Variants in BBOX1 observed in about 807,000 individuals in gnomAD.
BBOX1 encodes gamma-butyrobetaine dioxygenase.
A neutral mutation model predicts 41.6 loss-of-function variants in BBOX1; 35 were observed. The ratio of observed to expected loss-of-function variants is 0.84; its 90% CI spans 0.64 to 1.11. The LOEUF (loss-of-function observed/expected upper bound fraction) is 1.11, where lower values mean the gene tolerates loss of function less well. BBOX1 is among the 50% of genes most tolerant of loss of function. The pLI, the probability that BBOX1 is intolerant of heterozygous loss-of-function variation, is 0.00. For synonymous variants in BBOX1, 163 were observed against 154.7 expected, an observed-to-expected ratio of 1.05 and a Z score of -0.40; for missense variants, 458 against 460.6, an observed-to-expected ratio of 0.99 and a Z score of 0.05.
At chr11:27,101,438 G>A (rs1203883563) in intron 5 of BBOX1, among the ~76,000 whole-genome samples, 2 of 152,038 alleles carry the variant, frequency 1.3e-5, no homozygotes, top group Non-Finnish European at 2.9e-5. Context: ...AAATTTGACT[G>A]CCTCCAACTC....
intron 3 of BBOX1, 79 bp from the exon 4 acceptor site, chr11:27,057,122 A>G (rs1857009598): frequency 2.4e-6 from 2 of 817,850 alleles, no homozygotes; most frequent in Non-Finnish European, 3.7e-6. Context: ...GATTATCTTA[A>G]ACAGCATTCA....
intron 2 of BBOX1, among the ~76,000 whole-genome samples, chr11:27,053,429 G>T (rs1208549159): frequency 6.6e-6 from 1 of 152,170 alleles, no homozygotes; most frequent in African/African-American, 2.4e-5. Flanking sequence ...ATTCTTATAG[G>T]GTTTTAAAAA....
intron 4 of BBOX1, among the ~76,000 whole-genome samples, chr11:27,090,921 GA>G (rs986122186): frequency 3.3e-5 from 5 of 151,898 alleles, no homozygotes; most frequent in African/African-American, 1.2e-4. Flanking sequence ...TCTGCAAGAA[GA>G]AAAACATGGC....
intron 7 of BBOX1, among the ~76,000 whole-genome samples, chr11:27,122,461 A>C (rs1020904661): frequency 6.6e-6 from 1 of 152,214 alleles, no homozygotes; most frequent in Admixed American, 6.5e-5. Flanking sequence ...TAGAAAATGC[A>C]GAATACATTT....
chr11:27,111,142 T>C (rs758304053), intron 5 of BBOX1, among the ~76,000 whole-genome samples: 2 of 151,696 alleles, frequency 1.3e-5, no homozygotes, highest in Non-Finnish European at 2.9e-5. Flanking sequence ...TTGTGGTACA[T>C]AGACACCATG....
chr11:27,114,763 A>G (rs1338136400), intron 5 of BBOX1, among the ~76,000 whole-genome samples: 4 of 151,974 alleles, frequency 2.6e-5, no homozygotes, highest in South Asian at 2.1e-4. Flanking sequence ...TGAACAAATT[A>G]TCTAAATATA....
chr11:27,119,510 C>G (rs1859388399), intron 6 of BBOX1, 139 bp from the exon 7 acceptor site: 3 of 490,902 alleles, frequency 6.1e-6, no homozygotes, highest in Non-Finnish European at 5.9e-6. Flanking sequence ...TCATTCATAG[C>G]TTTTTGAATC....
At chr11:27,046,125 A>G (rs1376946047) in intron 2 of BBOX1, 1 of 152,196 alleles carries the variant, frequency 6.6e-6, no homozygotes, top group Non-Finnish European at 1.5e-5. Flanking sequence ...CCTGTGACCC[A>G]ACAATAGCAC....
At chr11:27,116,587 G>A (rs1329122283) in intron 6 of BBOX1, among the ~76,000 whole-genome samples, 2 of 151,836 alleles carry the variant, frequency 1.3e-5, no homozygotes, top group Non-Finnish European at 2.9e-5. Flanking sequence ...CCTGTCTTCA[G>A]TCATATACCT....
intron 4 of BBOX1, among the ~76,000 whole-genome samples, chr11:27,074,266 A>G (rs974159390): frequency 1.3e-5 from 2 of 151,990 alleles, no homozygotes; most frequent in Non-Finnish European, 2.9e-5. Flanking sequence ...AGTTCTTTAT[A>G]GCAGTGTGAG....
chr11:27,075,803 C>A (rs1187319228), intron 4 of BBOX1, among the ~76,000 whole-genome samples: 1 of 152,190 alleles, frequency 6.6e-6, no homozygotes, highest in Non-Finnish European at 1.5e-5. Context: ...GAAAGGCTGC[C>A]TATAGGTGCA....
intron 6 of BBOX1, among the ~76,000 whole-genome samples, chr11:27,119,199 C>T (rs1275755080): frequency 6.6e-6 from 1 of 152,004 alleles, no homozygotes; most frequent in Non-Finnish European, 1.5e-5. Flanking sequence ...TTATTTCTGT[C>T]ACCTGATTTG....
At chr11:27,122,622 A>C (rs573382028) in intron 7 of BBOX1, among the ~76,000 whole-genome samples, 2 of 152,294 alleles carry the variant, frequency 1.3e-5, no homozygotes, top group Admixed American at 6.5e-5. Flanking sequence ...TTTCCTGCAG[A>C]TCCTCATAAA....
chr11:27,064,379 C>T (rs1354054422), intron 4 of BBOX1, among the ~76,000 whole-genome samples: 2 of 152,074 alleles, frequency 1.3e-5, no homozygotes, highest in East Asian at 1.9e-4. Context: ...CCTAAAGTCA[C>T]CCAAACTCAT....
At chr11:27,054,974 C>T (rs190164099) in intron 2 of BBOX1, among the ~76,000 whole-genome samples, 71 of 152,054 alleles carry the variant, frequency 4.7e-4, no homozygotes, top group African/African-American at 1.6e-3. Context: ...TTTTCAAAAG[C>T]CATGTCCAAG....
intron 5 of BBOX1, among the ~76,000 whole-genome samples, chr11:27,108,262 T>C (rs1358215485): frequency 1.3e-5 from 2 of 151,982 alleles, no homozygotes; most frequent in Admixed American, 6.6e-5. Flanking sequence ...TCTCAACCAG[T>C]TTTTGGCTAG....
intron 4 of BBOX1, among the ~76,000 whole-genome samples, chr11:27,082,627 G>A (rs548131122): frequency 6.6e-6 from 1 of 152,208 alleles, no homozygotes; most frequent in African/African-American, 2.4e-5. Flanking sequence ...TAAGCTCCTT[G>A]TGCCTTTCTC....
At chr11:27,078,889 C>T (rs1857729789) in intron 4 of BBOX1, among the ~76,000 whole-genome samples, 1 of 152,098 alleles carries the variant, frequency 6.6e-6, no homozygotes, top group African/African-American at 2.4e-5. Flanking sequence ...AGAGGCGATG[C>T]CTATTAGCCT....
intron 1 of BBOX1, 27 bp from the exon 2 acceptor site, chr11:27,041,189 T>G (rs1411671161): frequency 9.8e-6 from 1 of 102,054 alleles, no homozygotes. Flanking sequence ...TCTTTCTTTT[T>G]TTTTTTTTTT....
Sources: gnomAD v4.1 joint callset for allele counts (sites outside exome capture counted in the v4.1 genomes callset) on GRCh38, gnomAD v4.1.1 for gene constraint, MANE v1.5 for transcripts, NCBI Gene and HGNC (gene_info 2026-07-23, HGNC 2026-07-21) for gene names.